Variants in DTNB observed in about 807,000 individuals in gnomAD.
The protein encoded by DTNB is dystrobrevin beta.
A neutral mutation model predicts 90.7 loss-of-function variants in DTNB; 63 were observed. The ratio of observed to expected loss-of-function variants is 0.69; its 90% CI spans 0.57 to 0.86. The LOEUF is 0.86. Among genes scored for constraint, DTNB ranks in the 40% least tolerant of loss-of-function variants. The pLI, the probability that DTNB is intolerant of heterozygous loss-of-function variation, is 0.00. For missense variants in DTNB, 744 were observed against 807.1 expected (o/e 0.92, Z 0.95); for synonymous variants, 277 against 286.7 (o/e 0.97, Z 0.34).
intron 8 of DTNB, among the ~76,000 whole-genome samples, chr2:25,537,781 A>AT (rs2080169694): frequency 6.6e-6 from 1 of 152,340 alleles, no homozygotes; most frequent in African/African-American, 2.4e-5. Flanking sequence ...ACAAGGCCCC[A>AT]GACTTGAGAG....
At chr2:25,552,299 T>C (rs1034402892) in intron 8 of DTNB, among the ~76,000 whole-genome samples, 1 of 152,228 alleles carries the variant, frequency 6.6e-6, no homozygotes, top group Admixed American at 6.5e-5. Flanking sequence ...GAAAGAGGGA[T>C]GGAAGGTGCC....
At chr2:25,455,349 G>A in intron 11 of DTNB, 56 bp downstream of exon 11, 1 of 1,496,612 alleles carries the variant, frequency 6.7e-7, no homozygotes, top group South Asian at 1.3e-5. Flanking sequence ...AGGTAGCAAA[G>A]CTCTCCCTCC....
chr2:25,395,483 T>G (rs1333572705), intron 16 of DTNB, among the ~76,000 whole-genome samples: 1 of 150,882 alleles, frequency 6.6e-6, no homozygotes, highest in Non-Finnish European at 1.5e-5. Context: ...CACATAAATA[T>G]ACCAATTACA....
At chr2:25,560,499 G>A (rs186117669) in intron 8 of DTNB, among the ~76,000 whole-genome samples, 6 of 152,064 alleles carry the variant, frequency 3.9e-5, no homozygotes, top group Non-Finnish European at 5.9e-5. Flanking sequence ...GTCTTCAAAC[G>A]TCTGCCTTTG....
intron 9 of DTNB, among the ~76,000 whole-genome samples, chr2:25,523,507 G>A (rs2076520350): frequency 6.6e-6 from 1 of 151,986 alleles, no homozygotes; most frequent in Admixed American, 6.6e-5. Flanking sequence ...CAGGCATGGT[G>A]GCACGCACTT....
At chr2:25,430,647 C>CGACA (rs1389609302) in intron 14 of DTNB, among the ~76,000 whole-genome samples, 2 of 152,068 alleles carry the variant, frequency 1.3e-5, no homozygotes, top group Admixed American at 6.5e-5. Flanking sequence ...AGTGATAATG[C>CGACA]GACAATATTG....
In DTNB at chr2:25,673,370, G is replaced by A. The variant is rs1485766350; in HGVS notation, c.-2+16C>T. The A allele has an allele frequency of 6.6e-6, 1 of 151,128 alleles. No homozygotes were observed. Among genetic ancestry groups the A allele is most frequent in the Non-Finnish European group, 1.5e-5 (1 of 67,776 alleles). The allele number at this position is 151,128 out of a possible 1,614,324, so 9.4% of individuals were successfully genotyped here. ...CTCGTCTCCCCACAGCCCCGGCGGC[G>A]GCCGCAGACCCCCACCTTGCTCACT... On this transcript the variant is annotated intron_variant, in intron 1 of 20. Coordinates refer to ENST00000406818, the MANE Select transcript of DTNB (RefSeq NM_021907.5).
intron 2 of DTNB, among the ~76,000 whole-genome samples, 188 bp downstream of exon 2, chr2:25,652,406 G>C (rs1472957732): frequency 6.6e-6 from 1 of 151,890 alleles, no homozygotes; most frequent in East Asian, 1.9e-4. Context: ...AAGAAAGCAA[G>C]TCAATTCTAT....
At chr2:25,541,212 C>T (rs2081183226) in intron 8 of DTNB, among the ~76,000 whole-genome samples, 1 of 152,188 alleles carries the variant, frequency 6.6e-6, no homozygotes, top group South Asian at 2.1e-4. Context: ...GGCACAGTGG[C>T]TCACGCCTGT....
chr2:25,646,801 TG>T (rs896046159), intron 2 of DTNB, among the ~76,000 whole-genome samples: 17 of 152,188 alleles, frequency 1.1e-4, no homozygotes, highest in Admixed American at 5.2e-4. Context: ...CCGACTACCT[TG>T]GGCACATGTT....
Position 25,541,444 on chromosome 2 carries a change from C to T in DTNB, c.877-9847G>A, listed in dbSNP as rs1053964409. ...TTGCAGTGAGCTGAGATCACACCAC[C>T]GCACTCCAGCCTGGGTGACGGCAAG... On this transcript the variant is annotated intron_variant, in intron 8 of 20. Coordinates refer to ENST00000406818, the MANE Select transcript of DTNB (RefSeq NM_021907.5). 3.3e-4 allele frequency among the ~76,000 whole-genome samples: 50 copies of T among 151,992 alleles called. No homozygotes were observed. In the South Asian group the frequency reaches 3.5e-3, roughly 11 times the overall value.
intron 8 of DTNB, among the ~76,000 whole-genome samples, chr2:25,564,135 T>C (rs1485897430): frequency 6.6e-6 from 1 of 152,108 alleles, no homozygotes; most frequent in Non-Finnish European, 1.5e-5. Context: ...TCTCCTGACC[T>C]TGTGATCCAC....
intron 9 of DTNB, among the ~76,000 whole-genome samples, chr2:25,503,418 A>T (rs568004583): frequency 6.6e-6 from 1 of 151,660 alleles, no homozygotes; most frequent in Non-Finnish European, 1.5e-5. Flanking sequence ...ACTTGAGCCC[A>T]GGAGTTCAAT....
intron 16 of DTNB, among the ~76,000 whole-genome samples, chr2:25,400,891 A>G (rs1455227791): frequency 6.6e-6 from 1 of 152,206 alleles, no homozygotes; most frequent in Non-Finnish European, 1.5e-5. Flanking sequence ...AAACATTACA[A>G]TCTGATAAGC....
intron 9 of DTNB, among the ~76,000 whole-genome samples, chr2:25,508,477 G>C (rs2073038998): frequency 6.6e-6 from 1 of 151,518 alleles, no homozygotes; most frequent in East Asian, 1.9e-4. Context: ...CATTTATTTA[G>C]GGCTTTTAAC....
chr2:25,386,647 T>C (rs1163079202), intron 18 of DTNB, among the ~76,000 whole-genome samples: 1 of 152,124 alleles, frequency 6.6e-6, no homozygotes. Context: ...TTTCCTGGGT[T>C]TTATGTAAGG....
chr2:25,598,056 G>T (rs2065011469), intron 5 of DTNB, among the ~76,000 whole-genome samples: 1 of 152,192 alleles, frequency 6.6e-6, no homozygotes, highest in African/African-American at 2.4e-5. Context: ...CAACTAACAA[G>T]TTGCAAGTTC....
intron 16 of DTNB, among the ~76,000 whole-genome samples, chr2:25,416,497 C>T (rs904636667): frequency 6.6e-6 from 1 of 152,114 alleles, no homozygotes; most frequent in South Asian, 2.1e-4. Context: ...CATGGCAAAA[C>T]CCCATCTCTA....
intron 3 of DTNB, among the ~76,000 whole-genome samples, chr2:25,637,545 G>A (rs1490963136): frequency 6.6e-5 from 10 of 152,250 alleles, no homozygotes; most frequent in East Asian, 3.9e-4. Flanking sequence ...AAAAGTGGGC[G>A]AAGGATATGA....
Sources: gnomAD v4.1 joint callset for allele counts (sites outside exome capture counted in the v4.1 genomes callset) on GRCh38, gnomAD v4.1.1 for gene constraint, MANE v1.5 for transcripts, NCBI Gene and HGNC (gene_info 2026-07-23, HGNC 2026-07-21) for gene names.